Variants in PGRMC1 observed in about 807,000 individuals in gnomAD.
The protein encoded by PGRMC1 is progesterone receptor membrane component 1.
For synonymous variants in PGRMC1, 73 were observed against 77.3 expected (o/e 0.94, Z 0.29); for missense variants, 145 against 169.0 (o/e 0.86, Z 0.79).
intron 1 of PGRMC1, among the ~76,000 whole-genome samples, chrX:119,237,358 GGT>G (rs773773508): frequency 9.2e-6 from 1 of 109,133 alleles, no homozygotes; most frequent in Non-Finnish European, 1.9e-5. Flanking sequence ...ATTTATCAGG[GGT>G]GTGTGTGTGT....
At position 119,240,472 on chromosome X, in the gene PGRMC1, T is replaced by C; in HGVS notation, c.484+8T>C. On this transcript the variant is annotated splice_region_variant and intron_variant, in intron 2 of 2. Coordinates refer to ENST00000217971, the MANE Select transcript of PGRMC1 (RefSeq NM_006667.5). ...GGGAGTCTCAGTTCACTTGTAAGCA[T>C]TTTTAAAATTGTGTCTGGGTCAAAT... 8.4e-7 allele frequency: 1 copy of C among 1,193,527 alleles called. No individual in the cohort carries two copies. The highest frequency in any genetic ancestry group is 2.3e-4 in the Middle Eastern group (1 of 4,292).
rs976271302 is a variant in PGRMC1, at chrX:119,236,294, C to T, written c.-70C>T. ...CCGAACCCCGCGCGCCACTCGCTCG[C>T]TCAGAGGGAGGAGAAAGTGGCGAGT... On this transcript the variant is annotated 5_prime_UTR_variant, in exon 1 of 3. Coordinates refer to ENST00000217971, the MANE Select transcript of PGRMC1 (RefSeq NM_006667.5). 6.8e-6 allele frequency: 7 copies of T among 1,034,835 alleles called. No individual in the cohort carries two copies. In the African/African-American group the frequency reaches 1.3e-4, roughly 19 times the overall value. The allele number at this position is 1,034,835 out of a possible 1,213,427, so 85.3% of individuals were successfully genotyped here.
chrX:119,244,299 G>A lies in PGRMC1; in HGVS notation c.*1045G>A, dbSNP rs977087516. ...ACACTAAGCTTAAGTAGACTATACA[G>A]TTGTATGAATTTGTAAAAGTATATG... On this transcript the variant is annotated 3_prime_UTR_variant, in exon 3 of 3. Coordinates refer to ENST00000217971, the MANE Select transcript of PGRMC1 (RefSeq NM_006667.5). The A allele has an allele frequency of 1.8e-5, 2 of 112,707 alleles. No individual in the cohort carries two copies. The highest frequency in any genetic ancestry group is 3.2e-5 in the African/African-American group (1 of 30,960). 9.3% of individuals were successfully genotyped at this position (112,707 alleles called of 1,213,427 possible).
chrX:119,243,449 C>G lies in PGRMC1; in HGVS notation c.*195C>G, dbSNP rs1930867272. On this transcript the variant is annotated 3_prime_UTR_variant, in exon 3 of 3. Coordinates refer to ENST00000217971, the MANE Select transcript of PGRMC1 (RefSeq NM_006667.5). ...ATGATGTGTTTGTGTGTCACAAATCCAGAAAGTGAACTGCAGTGCTGTAAT... is the reference window on the plus strand; with the variant it reads ...ATGATGTGTTTGTGTGTCACAAATCGAGAAAGTGAACTGCAGTGCTGTAAT... 24 of 445,686 alleles carry G rather than the reference C, an allele frequency of 5.4e-5. No individual in the cohort carries two copies. The South Asian group carries it at 7.9e-4, about 15-fold the overall frequency. 36.7% of individuals were successfully genotyped at this position (445,686 alleles called of 1,213,427 possible).
intron 2 of PGRMC1, among the ~76,000 whole-genome samples, chrX:119,242,300 C>T (rs1175522876): frequency 1.8e-5 from 2 of 109,977 alleles, no homozygotes; most frequent in African/African-American, 3.3e-5. Context: ...TGGCTCCCTC[C>T]ACAGAGTTCC....
At chrX:119,236,814 G>C in intron 1 of PGRMC1, 123 bp downstream of exon 1, 1 of 549,358 alleles carries the variant, frequency 1.8e-6, no homozygotes, top group Non-Finnish European at 2.8e-6. Flanking sequence ...CGGCGAGCTA[G>C]GGTAGGCGGG....
At chrX:119,241,436 T>G (rs1423031573) in intron 2 of PGRMC1, among the ~76,000 whole-genome samples, 1 of 112,350 alleles carries the variant, frequency 8.9e-6, no homozygotes, top group Non-Finnish European at 1.9e-5. Flanking sequence ...GAAAACATAG[T>G]TCAGTTACCT....
chrX:119,240,248 T>C, intron 1 of PGRMC1, 61 bp from the exon 2 acceptor site: 1 of 1,095,549 alleles, frequency 9.1e-7, no homozygotes, highest in Non-Finnish European at 1.3e-6. Context: ...ATTTTCTGTG[T>C]ATAAATCACA....
intron 2 of PGRMC1, among the ~76,000 whole-genome samples, chrX:119,240,929 A>C (rs779609944): frequency 3.1e-4 from 35 of 112,314 alleles, no homozygotes; most frequent in Admixed American, 2.6e-3. Flanking sequence ...CCTCATCTAC[A>C]AATGATGCTT....
In PGRMC1 at chrX:119,243,164, C is replaced by T. The variant is rs761920876; in HGVS notation, c.498C>T (p.His166=). The change falls in exon 3 of 3, where the codon CAC becomes CAT. Residue 166 remains histidine, a synonymous_variant. Coordinates refer to ENST00000217971, the MANE Select transcript of PGRMC1 (RefSeq NM_006667.5). ...CTCTACCTCCAGTCAAGTATCATCA[C>T]GTGGGCAAACTGCTGAAGGAGGGGG... ...WESQFTFKYH[H]VGKLLKEGEE... 14 of 1,189,675 alleles carry T rather than the reference C, an allele frequency of 1.2e-5. No homozygotes were observed. Among genetic ancestry groups the T allele is most frequent in the East Asian group, 3.0e-5 (1 of 33,745 alleles).
At chrX:119,237,817 A>G (rs750297645) in intron 1 of PGRMC1, among the ~76,000 whole-genome samples, 4 of 111,011 alleles carry the variant, frequency 3.6e-5, no homozygotes, top group South Asian at 4.0e-4. Flanking sequence ...GTTGCGTATC[A>G]GAATCACCTG....
intron 1 of PGRMC1, among the ~76,000 whole-genome samples, chrX:119,238,047 C>G (rs1012971151): frequency 9.0e-6 from 1 of 111,155 alleles, no homozygotes; most frequent in African/African-American, 3.3e-5. Context: ...TAGAGGATGT[C>G]CACATGGACG....
rs1253383939 is a variant in PGRMC1, at chrX:119,243,824, A to G, written c.*570A>G. 8.4e-6 allele frequency: 1 copy of G among 118,759 alleles called. No individual in the cohort carries two copies. Among genetic ancestry groups the G allele is most frequent in the African/African-American group, 3.2e-5 (1 of 30,945 alleles). The allele number at this position is 118,759 out of a possible 1,213,427, so 9.8% of individuals were successfully genotyped here. Reference sequence around the variant, plus strand: ...CATATTTTCTGTGTTTCTGGACTGCACTGTTGTCCTTGCCCTCACATAGAC... The same window carrying G: ...CATATTTTCTGTGTTTCTGGACTGCGCTGTTGTCCTTGCCCTCACATAGAC... On this transcript the variant is annotated 3_prime_UTR_variant, in exon 3 of 3. Coordinates refer to ENST00000217971, the MANE Select transcript of PGRMC1 (RefSeq NM_006667.5).
intron 1 of PGRMC1, among the ~76,000 whole-genome samples, chrX:119,239,496 C>G (rs1457956230): frequency 3.1e-4 from 35 of 112,294 alleles, no homozygotes. Context: ...TTAAATAAGT[C>G]TAAATATCCA....
In PGRMC1 at chrX:119,243,478, CAT is replaced by C. The variant is rs1369159948; in HGVS notation, c.*225_*226del. ...AAGTGAACTGCAGTGCTGTAATACA[CAT>C]GTTAATACTGTTTTTCTTCTATCTG... On this transcript the variant is annotated 3_prime_UTR_variant, in exon 3 of 3. Transcript: ENST00000217971. 1.0e-5 allele frequency: 4 copies of C among 401,690 alleles called. No individual in the cohort carries two copies. Among genetic ancestry groups the C allele is most frequent in the South Asian group, 3.7e-5 (1 of 27,030 alleles). 33.1% of individuals were successfully genotyped at this position (401,690 alleles called of 1,213,427 possible). A position where few individuals can be genotyped will look rare whatever the true frequency, so the allele number is the denominator to read the frequency against.
At chrX:119,240,738 G>T (rs1603280081) in intron 2 of PGRMC1, among the ~76,000 whole-genome samples, 1 of 111,651 alleles carries the variant, frequency 9.0e-6, no homozygotes, top group African/African-American at 3.3e-5. Context: ...TCCAAATGAG[G>T]ATTTGGTGCT....
intron 2 of PGRMC1, among the ~76,000 whole-genome samples, chrX:119,241,912 T>C (rs1045845643): frequency 2.7e-5 from 3 of 112,097 alleles, no homozygotes; most frequent in Non-Finnish European, 3.8e-5. Context: ...GTCTTTTGCA[T>C]TCTGGTTTGC....
rs1479394921 is a variant in PGRMC1 at position 119,243,552 on chromosome X, G to A, written c.*298G>A. The A allele has an allele frequency of 3.7e-6, 1 of 269,789 alleles. No homozygotes were observed. Among genetic ancestry groups the A allele is most frequent in the African/African-American group, 2.8e-5 (1 of 36,277 alleles). The allele number at this position is 269,789 out of a possible 1,213,427, so 22.2% of individuals were successfully genotyped here. A position where few individuals can be genotyped will look rare whatever the true frequency, so the allele number is the denominator to read the frequency against. ...AAATGTGTTTTTCCTGAGAGACAAG[G>A]AAGACTTGGGTATTTCCCAAAACAG... is the stretch of plus-strand genomic sequence containing the variant. On this transcript the variant is annotated 3_prime_UTR_variant, in exon 3 of 3. Transcript: ENST00000217971.
Position 119,243,859 on chromosome X carries a change from C to G in PGRMC1, c.*605C>G, listed in dbSNP as rs1345472493. ...TTGCCCTCACATAGACACTCAGACA[C>G]CCTCACAAACACAGTAGTCTATAGT... On this transcript the variant is annotated 3_prime_UTR_variant, in exon 3 of 3. Transcript: ENST00000217971. 8.8e-6 allele frequency: 1 copy of G among 114,240 alleles called. No homozygotes were observed. 9.4% of individuals were successfully genotyped at this position (114,240 alleles called of 1,213,427 possible). A position where few individuals can be genotyped will look rare whatever the true frequency, so the allele number is the denominator to read the frequency against.
Sources: gnomAD v4.1 joint callset for allele counts (sites outside exome capture counted in the v4.1 genomes callset) on GRCh38, gnomAD v4.1.1 for gene constraint, MANE v1.5 for transcripts, NCBI Gene and HGNC (gene_info 2026-07-23, HGNC 2026-07-21) for gene names.